The following HEMK2 variants were observed in gnomAD, a reference collection of about 807,000 sequenced individuals.
The protein encoded by HEMK2 is methyltransferase HEMK2.
the HEMK2 span, among the ~76,000 whole-genome samples, chr21:28,591,928 C>T: frequency 1.3e-5 from 2 of 152,160 alleles, no homozygotes; most frequent in African/African-American, 4.8e-5. Flanking sequence ...GTATGTATCA[C>T]ATTTTCTTTA....
the HEMK2 span, among the ~76,000 whole-genome samples, chr21:28,741,909 T>G: frequency 6.6e-6 from 1 of 152,208 alleles, no homozygotes; most frequent in African/African-American, 2.4e-5. Context: ...TTTCTTCCTT[T>G]GGGTATATAC....
At chr21:28,688,502 C>T in the HEMK2 span, among the ~76,000 whole-genome samples, 6 of 151,652 alleles carry the variant, frequency 4.0e-5, no homozygotes, top group African/African-American at 1.5e-4. Flanking sequence ...ACCAGCATGT[C>T]AACTAGAGTG....
chr21:28,597,436 A>G, the HEMK2 span, among the ~76,000 whole-genome samples: 1 of 152,364 alleles, frequency 6.6e-6, no homozygotes, highest in Non-Finnish European at 1.5e-5. Flanking sequence ...TGTATTCAGT[A>G]GACAAGGAGT....
At chr21:28,676,086 G>A in the HEMK2 span, among the ~76,000 whole-genome samples, 1 of 152,182 alleles carries the variant, frequency 6.6e-6, no homozygotes, top group African/African-American at 2.4e-5. Flanking sequence ...ACAAAAGCTA[G>A]CAAGGTAGAA....
the HEMK2 span, among the ~76,000 whole-genome samples, chr21:28,809,954 T>C: frequency 2.4e-4 from 37 of 152,162 alleles, no homozygotes; most frequent in Admixed American, 2.4e-3. Flanking sequence ...TTGTATTCTC[T>C]CACTGCCTTA....
At chr21:28,784,742 AGACCAATCAGCTCTCTGTAAAATG>A in the HEMK2 span, among the ~76,000 whole-genome samples, 52 of 152,310 alleles carry the variant, frequency 3.4e-4, 3 homozygotes, top group East Asian at 9.5e-3. Context: ...CTGTCAAAAC[AGACCAATCAGCTCTCTGTAAAATG>A]GACCAATCAG....
the HEMK2 span, among the ~76,000 whole-genome samples, chr21:28,651,547 G>C: frequency 6.6e-6 from 1 of 152,256 alleles, no homozygotes; most frequent in Middle Eastern, 3.4e-3. Context: ...TTAATTGTAA[G>C]TTGCAATTTG....
chr21:28,830,065 C>T, the HEMK2 span, among the ~76,000 whole-genome samples: 1 of 152,124 alleles, frequency 6.6e-6, no homozygotes, highest in Non-Finnish European at 1.5e-5. Flanking sequence ...AGAGACTAGT[C>T]CTCCAGGCTG....
chr21:28,751,165 A>G, the HEMK2 span, among the ~76,000 whole-genome samples: 1,128 of 149,666 alleles, frequency 7.5e-3, 14 homozygotes, highest in African/African-American at 0.026. Flanking sequence ...CGGGAGGCGG[A>G]GCTTGCAGTG....
At chr21:28,846,642 A>G in the HEMK2 span, among the ~76,000 whole-genome samples, 1 of 151,520 alleles carries the variant, frequency 6.6e-6, no homozygotes, top group East Asian at 1.9e-4. Context: ...ATTTTTTTTA[A>G]CCTTTATTTT....
At chr21:28,848,745 A>G in the HEMK2 span, among the ~76,000 whole-genome samples, 1 of 152,222 alleles carries the variant, frequency 6.6e-6, no homozygotes, top group Non-Finnish European at 1.5e-5. Flanking sequence ...AATATTCAAC[A>G]ACTGAAAATC....
chr21:28,578,355 A>G, the HEMK2 span, among the ~76,000 whole-genome samples: 450 of 152,254 alleles, frequency 3.0e-3, 3 homozygotes, highest in African/African-American at 0.01. Flanking sequence ...GGTTGTAATC[A>G]CCTCCTATTC....
the HEMK2 span, among the ~76,000 whole-genome samples, chr21:28,687,246 C>T: frequency 6.6e-6 from 1 of 152,192 alleles, no homozygotes; most frequent in South Asian, 2.1e-4. Flanking sequence ...TTATACAAAG[C>T]TGAACCATGG....
the HEMK2 span, among the ~76,000 whole-genome samples, chr21:28,599,467 G>GA: frequency 5.3e-5 from 8 of 152,104 alleles, no homozygotes; most frequent in Non-Finnish European, 1.2e-4. Flanking sequence ...ATAGTATGGG[G>GA]AAAATCACCT....
the HEMK2 span, among the ~76,000 whole-genome samples, chr21:28,766,861 GA>G: frequency 6.6e-6 from 1 of 152,074 alleles, no homozygotes; most frequent in Non-Finnish European, 1.5e-5. Context: ...AGAAGGTTGG[GA>G]GGGGGTGAGG....
chr21:28,731,046 C>T, the HEMK2 span, among the ~76,000 whole-genome samples: 148 of 152,248 alleles, frequency 9.7e-4, 2 homozygotes, highest in East Asian at 0.026. Flanking sequence ...ATACACAGCA[C>T]ATGCTGTGTC....
chr21:28,722,641 G>A, the HEMK2 span, among the ~76,000 whole-genome samples: 1 of 152,212 alleles, frequency 6.6e-6, no homozygotes, highest in Admixed American at 6.5e-5. Flanking sequence ...CAGCACTCTG[G>A]GAAGCAGAGG....
At chr21:28,859,216 C>T in the HEMK2 span, among the ~76,000 whole-genome samples, 28 of 152,320 alleles carry the variant, frequency 1.8e-4, no homozygotes, top group African/African-American at 6.3e-4. Flanking sequence ...AGCTCTTACA[C>T]TCTAGTCTCA....
the HEMK2 span, among the ~76,000 whole-genome samples, chr21:28,733,551 G>A: frequency 6.6e-6 from 1 of 152,072 alleles, no homozygotes; most frequent in African/African-American, 2.4e-5. Context: ...AGTTGAACCT[G>A]AACATGTATT....
Sources: allele counts gnomAD v4.1 joint callset (sites outside exome capture counted in the v4.1 genomes callset), GRCh38; gene constraint gnomAD v4.1.1; transcripts MANE v1.5; gene names NCBI Gene and HGNC (gene_info 2026-07-23, HGNC 2026-07-21).